Variants in RPS6KC1 observed in about 807,000 individuals in gnomAD.
RPS6KC1 encodes the protein inactive ribosomal protein S6 kinase delta-1.
A neutral mutation model predicts 103.8 loss-of-function variants in RPS6KC1; 54 were observed. The observed-to-expected ratio is 0.52, with a 90% CI of 0.42 to 0.65. The LOEUF (loss-of-function observed/expected upper bound fraction) is 0.65, where lower values mean the gene tolerates loss of function less well. Ranked by LOEUF, RPS6KC1 falls within the 30% of genes least tolerant of loss-of-function variation. The pLI is 0.00. For missense variants in RPS6KC1, 1,151 were observed against 1,253.8 expected (o/e 0.92, Z 1.24); for synonymous variants, 439 against 438.7 (o/e 1.00, Z -0.01).
the RPS6KC1 span, among the ~76,000 whole-genome samples, chr1:213,811,295 A>T: frequency 6.6e-6 from 1 of 152,178 alleles, no homozygotes; most frequent in Non-Finnish European, 1.5e-5. Context: ...TACAGAATTG[A>T]ACGTGGCGGG....
chr1:213,671,275 A>T, the RPS6KC1 span, among the ~76,000 whole-genome samples: 1 of 152,228 alleles, frequency 6.6e-6, no homozygotes, highest in South Asian at 2.1e-4. Flanking sequence ...CCAGGCACAA[A>T]GAGACAAATA....
At chr1:213,433,890 T>C in the RPS6KC1 span, among the ~76,000 whole-genome samples, 8 of 152,316 alleles carry the variant, frequency 5.3e-5, no homozygotes, top group Non-Finnish European at 1.2e-4. Flanking sequence ...TTTCTCCCAG[T>C]CTGTGGCTTG....
At chr1:213,278,442 G>C (rs757403467), downstream of RPS6KC1, among the ~76,000 whole-genome samples, 1 of 152,184 alleles carries the variant, frequency 6.6e-6, no homozygotes, top group Non-Finnish European at 1.5e-5. Context: ...CAAGACATTT[G>C]AGATAATTTG....
the RPS6KC1 span, among the ~76,000 whole-genome samples, chr1:213,753,567 G>T: frequency 1.3e-5 from 2 of 151,934 alleles, no homozygotes; most frequent in Non-Finnish European, 2.9e-5. Context: ...CACCGTCTTT[G>T]TTTCCCAGTG....
the RPS6KC1 span, among the ~76,000 whole-genome samples, chr1:213,325,856 G>T: frequency 2.0e-5 from 3 of 152,146 alleles, no homozygotes; most frequent in African/African-American, 7.2e-5. Context: ...GGTTTCTTTC[G>T]TTCACAGGAT....
At chr1:213,765,345 C>T in the RPS6KC1 span, among the ~76,000 whole-genome samples, 1 of 152,188 alleles carries the variant, frequency 6.6e-6, no homozygotes, top group African/African-American at 2.4e-5. Context: ...AGACAGGAAT[C>T]TCATCTCTAA....
At chr1:213,141,849 T>G (rs534974404) in intron 6 of RPS6KC1, among the ~76,000 whole-genome samples, 1 of 152,032 alleles carries the variant, frequency 6.6e-6, no homozygotes, top group African/African-American at 2.4e-5. Context: ...TTTCATTAGT[T>G]TTGTTGGGTG....
At chr1:213,335,957 A>G in the RPS6KC1 span, among the ~76,000 whole-genome samples, 1 of 152,180 alleles carries the variant, frequency 6.6e-6, no homozygotes, top group East Asian at 1.9e-4. Context: ...TTCATTTTTC[A>G]AAGGAAATTT....
the RPS6KC1 span, among the ~76,000 whole-genome samples, chr1:213,515,444 A>G: frequency 1.3e-4 from 20 of 152,204 alleles, no homozygotes; most frequent in Non-Finnish European, 2.4e-4. Context: ...AGCTTTCTAC[A>G]TATGGCTAGC....
intron 6 of RPS6KC1, among the ~76,000 whole-genome samples, chr1:213,142,908 T>A (rs894865343): frequency 6.6e-6 from 1 of 152,106 alleles, no homozygotes; most frequent in Non-Finnish European, 1.5e-5. Flanking sequence ...TGTGACTTGC[T>A]TTATCATCAA....
At chr1:213,091,511 T>C (rs557449174) in intron 3 of RPS6KC1, among the ~76,000 whole-genome samples, 2 of 152,330 alleles carry the variant, frequency 1.3e-5, no homozygotes, top group African/African-American at 2.4e-5. Context: ...TTACAATCCG[T>C]TGGTCTGTCT....
the RPS6KC1 span, among the ~76,000 whole-genome samples, chr1:213,669,430 TAC>T: frequency 1.3e-5 from 2 of 152,146 alleles, no homozygotes; most frequent in African/African-American, 4.8e-5. Context: ...CTTATATAAG[TAC>T]AGTTTGTGGT....
the RPS6KC1 span, among the ~76,000 whole-genome samples, chr1:213,780,386 G>A: frequency 2.0e-5 from 3 of 152,296 alleles, no homozygotes; most frequent in South Asian, 6.2e-4. Flanking sequence ...ACAAGGTGGG[G>A]ACAGAAGCCT....
At chr1:213,130,004 A>C in intron 6 of RPS6KC1, 115 bp downstream of exon 6, 1 of 1,073,204 alleles carries the variant, frequency 9.3e-7, no homozygotes, top group Non-Finnish European at 1.3e-6. Context: ...AAAATGAGAA[A>C]TTACTGAAGC....
the RPS6KC1 span, among the ~76,000 whole-genome samples, chr1:213,794,981 T>A: frequency 6.6e-6 from 1 of 152,226 alleles, no homozygotes; most frequent in Non-Finnish European, 1.5e-5. Context: ...CTAAAGGTGA[T>A]GTCAGCAAGA....
intron 6 of RPS6KC1, among the ~76,000 whole-genome samples, chr1:213,144,293 AG>A (rs2087451631): frequency 6.6e-6 from 1 of 152,014 alleles, no homozygotes. Context: ...TTTATTTTTT[AG>A]AGACAGGGTC....
At chr1:213,514,893 T>C in the RPS6KC1 span, among the ~76,000 whole-genome samples, 5 of 152,200 alleles carry the variant, frequency 3.3e-5, no homozygotes, top group Admixed American at 2.0e-4. Context: ...CAGCACCTGT[T>C]GTTTCCTACT....
At chr1:213,719,983 C>T in the RPS6KC1 span, among the ~76,000 whole-genome samples, 45 of 151,886 alleles carry the variant, frequency 3.0e-4, no homozygotes, top group Non-Finnish European at 5.0e-4. Flanking sequence ...TCCCCCTTTC[C>T]TTTCTGCCTG....
the RPS6KC1 span, among the ~76,000 whole-genome samples, chr1:213,850,657 G>C: frequency 2.0e-5 from 3 of 152,116 alleles, no homozygotes; most frequent in Admixed American, 6.5e-5. Context: ...TATTTTTTAC[G>C]TGTTTGTTCC....
Sources: allele counts gnomAD v4.1 joint callset (sites outside exome capture counted in the v4.1 genomes callset), GRCh38; gene constraint gnomAD v4.1.1; transcripts MANE v1.5; gene names NCBI Gene and HGNC (gene_info 2026-07-23, HGNC 2026-07-21).